Variants in SORT1 observed in about 807,000 individuals in gnomAD.
SORT1 encodes sortilin 1, also known as sortilin.
In SORT1, 39 loss-of-function variants were observed where a neutral mutation model predicts 101.7. The ratio of observed to expected loss-of-function variants is 0.38; its 90% CI spans 0.30 to 0.50. SORT1 has a LOEUF of 0.50. Ranked by LOEUF, SORT1 falls within the 20% of genes least tolerant of loss-of-function variation. The pLI, the probability that SORT1 is intolerant of heterozygous loss-of-function variation, is 0.90. For missense variants in SORT1, 878 were observed against 1,040.4 expected (o/e 0.84, Z 2.15); for synonymous variants, 396 against 393.7 (o/e 1.01, Z -0.07).
chr1:109,323,210 A>G, intron 14 of SORT1, 89 bp from the exon 15 acceptor site: 1 of 898,058 alleles, frequency 1.1e-6, no homozygotes, highest in Non-Finnish European at 1.7e-6. Flanking sequence ...GAACAAGGAG[A>G]GGGAAAGTGG....
At chr1:109,326,853 C>G (rs1648112922) in intron 13 of SORT1, 139 bp downstream of exon 13, 1 of 583,378 alleles carries the variant, frequency 1.7e-6, no homozygotes, top group South Asian at 4.0e-5. Context: ...TAAAAGCAAT[C>G]CTTTCTAGAA....
At chr1:109,370,164 A>C (rs1651399442) in intron 1 of SORT1, among the ~76,000 whole-genome samples, 1 of 152,212 alleles carries the variant, frequency 6.6e-6, no homozygotes, top group African/African-American at 2.4e-5. Context: ...ACCTTACTAG[A>C]GTTGCAGTGA....
chr1:109,332,108 C>G (rs1447883003), intron 11 of SORT1, among the ~76,000 whole-genome samples: 1 of 150,684 alleles, frequency 6.6e-6, no homozygotes, highest in Non-Finnish European at 1.5e-5. Context: ...AATGTCCATA[C>G]TACCCAAAGT....
chr1:109,372,197 TTC>T (rs1198064587), intron 1 of SORT1, among the ~76,000 whole-genome samples: 2 of 152,196 alleles, frequency 1.3e-5, no homozygotes, highest in African/African-American at 4.8e-5. Flanking sequence ...CCAGAATCAT[TTC>T]TAATATTTAA....
intron 10 of SORT1, among the ~76,000 whole-genome samples, chr1:109,337,948 G>A (rs1032092792): frequency 6.6e-6 from 1 of 152,154 alleles, no homozygotes; most frequent in Non-Finnish European, 1.5e-5. Flanking sequence ...TAAGCCTTTG[G>A]TAATGTATCA....
At chr1:109,336,133 T>C in intron 11 of SORT1, 107 bp downstream of exon 11, 1 of 688,718 alleles carries the variant, frequency 1.5e-6, no homozygotes, top group Non-Finnish European at 2.6e-6. Flanking sequence ...TTCCACCTTA[T>C]GCTGAGGACC....
intron 1 of SORT1, among the ~76,000 whole-genome samples, chr1:109,372,149 C>T (rs1168182937): frequency 6.6e-6 from 1 of 152,162 alleles, no homozygotes; most frequent in Non-Finnish European, 1.5e-5. Context: ...GGTTAGGAGA[C>T]AGAATTCACA....
intron 3 of SORT1, among the ~76,000 whole-genome samples, chr1:109,359,739 A>G (rs1650582722): frequency 1.3e-5 from 2 of 152,134 alleles, no homozygotes; most frequent in South Asian, 4.1e-4. Flanking sequence ...ACCTCAGGTA[A>G]TCTTCCCACA....
At chr1:109,380,487 T>C (rs1488176208) in intron 1 of SORT1, among the ~76,000 whole-genome samples, 2 of 152,030 alleles carry the variant, frequency 1.3e-5, no homozygotes, top group African/African-American at 2.4e-5. Flanking sequence ...AAAGTATTAA[T>C]ATAGAAAGGG....
At chr1:109,315,251 T>A (rs1658962269) in intron 17 of SORT1, among the ~76,000 whole-genome samples, 1 of 152,178 alleles carries the variant, frequency 6.6e-6, no homozygotes, top group Non-Finnish European at 1.5e-5. Flanking sequence ...ATTTTTTATA[T>A]ATTATTATAA....
intron 3 of SORT1, among the ~76,000 whole-genome samples, chr1:109,361,470 A>C (rs77117689): frequency 0.023 from 3,500 of 152,278 alleles, 143 homozygotes; most frequent in African/African-American, 0.079. Flanking sequence ...TTTTCTCTAC[A>C]GCCCTCCTCT....
rs565986552 is a variant in SORT1, at chr1:109,368,150, C to T, written c.367-669G>A. ...CTCTACTTAAAATACAAAAATTAGCCGGGCGTGGTGGTGCTTGCCTGTAGT... is the reference window on the plus strand; with the variant it reads ...CTCTACTTAAAATACAAAAATTAGCTGGGCGTGGTGGTGCTTGCCTGTAGT... On this transcript the variant is annotated intron_variant, in intron 2 of 19. Transcript: ENST00000256637. Among the ~76,000 whole-genome samples, 38 of 151,872 alleles carry T rather than the reference C, an allele frequency of 2.5e-4. No individual in the cohort carries two copies. The East Asian group carries it at 4.7e-3, about 19-fold the overall frequency.
intron 16 of SORT1, 39 bp downstream of exon 16, chr1:109,317,814 A>G (rs1425051874): frequency 7.9e-7 from 1 of 1,268,596 alleles, no homozygotes; most frequent in Non-Finnish European, 1.2e-6. Flanking sequence ...GAACAAGAAC[A>G]CCTCATCCAT....
At position 109,327,588 on chromosome 1, in the gene SORT1, A is replaced by G; in HGVS notation, c.1385T>C (p.Ile462Thr). 1 of 1,605,184 alleles carries G rather than the reference A, an allele frequency of 6.2e-7. No individual in the cohort carries two copies. The highest frequency in any genetic ancestry group is 8.5e-7 in the Non-Finnish European group (1 of 1,175,384). ...AKNKNECSLH[I>T]HASYSISQKL... ...CTGGGAGATGCTGTAGGAAGCATGAATATGAAGGCTGCACTGTGAAAAGAA... is the reference window on the plus strand; with the variant it reads ...CTGGGAGATGCTGTAGGAAGCATGAGTATGAAGGCTGCACTGTGAAAAGAA... The change falls in exon 12 of 20, where the codon ATT becomes ACT. Residue 462 changes from isoleucine to threonine, a missense_variant. Physicochemically the swap from Ile to Thr is moderately conservative, Grantham distance 89 (BLOSUM62 -1). This residue lies in a region of SORT1 where 684 missense variants were observed against 894.5 expected (regional missense o/e 0.76). Coordinates refer to ENST00000256637, the MANE Select transcript of SORT1 (RefSeq NM_002959.7).
intron 1 of SORT1, among the ~76,000 whole-genome samples, chr1:109,378,679 C>A (rs1229295712): frequency 3.0e-5 from 3 of 99,898 alleles, no homozygotes; most frequent in African/African-American, 1.2e-4. Flanking sequence ...AGAGTCCAGC[C>A]AACAGAAGGT....
Position 109,324,895 on chromosome 1 carries a change from T to A in SORT1, c.1834+4A>T. On this transcript the variant is annotated splice_donor_region_variant and intron_variant, in intron 14 of 19. Coordinates refer to ENST00000256637, the MANE Select transcript of SORT1 (RefSeq NM_002959.7). ...TGGTAGAAAAGGTCAAAGGAGACAC[T>A]CACAGTTCCTTTCAAGGATATCTTT... The A allele has an allele frequency of 6.3e-7, 1 of 1,584,492 alleles. No individual in the cohort carries two copies.
Position 109,342,151 on chromosome 1 carries a change from G to T in SORT1, c.971C>A (p.Thr324Lys). The change falls in exon 9 of 20, where the codon ACA (threonine) becomes AAA (lysine). Residue 324 changes from threonine to lysine, a missense_variant. By Grantham distance (78) the Thr-to-Lys change is moderately conservative (BLOSUM62 -1). Around this residue, in one of 2 missense-constraint regions of SORT1, gnomAD observed 684 missense variants for 894.5 expected, o/e 0.76. Transcript: ENST00000256637. ...FASVMADKDT[T>K]RRIHVSTDQG... is the part of the protein sequence containing the mutation. ...ATCTGTTGAAACGTGGATCCTTCTT[G>T]TTGTATCCTAGAACAGATGTCAATA... The T allele has an allele frequency of 6.2e-7, 1 of 1,611,608 alleles. No individual in the cohort carries two copies. Among genetic ancestry groups the T allele is most frequent in the Non-Finnish European group, 8.5e-7 (1 of 1,177,982 alleles).
chr1:109,379,315 AT>A (rs1553200042), intron 1 of SORT1, among the ~76,000 whole-genome samples: 9 of 146,692 alleles, frequency 6.1e-5, no homozygotes, highest in African/African-American at 1.4e-4. Flanking sequence ...AAAAAAAAAA[AT>A]CATACAAAAA....
chr1:109,345,514 CAA>C (rs112644374), intron 8 of SORT1, among the ~76,000 whole-genome samples: 5 of 129,152 alleles, frequency 3.9e-5, no homozygotes, highest in African/African-American at 2.9e-5. Flanking sequence ...GACTTTGTTT[CAA>C]AAAAAAAAAA....
Sources: gnomAD v4.1 joint callset for allele counts (sites outside exome capture counted in the v4.1 genomes callset) on GRCh38, gnomAD v4.1.1 for gene constraint, gnomAD v4.1.1 regional missense constraint, MANE v1.5 for transcripts, NCBI Gene and HGNC (gene_info 2026-07-23, HGNC 2026-07-21) for gene names.